RBFOX1: variants seen among roughly 807,000 people sequenced by gnomAD.
RBFOX1 encodes RNA binding protein fox-1 homolog 1.
RBFOX1 carries 8 observed loss-of-function variants against 57.7 expected under a neutral mutation model. The observed-to-expected ratio is 0.14, with a 90% CI of 0.08 to 0.25. The LOEUF is 0.25. Ranked by LOEUF, RBFOX1 falls within the 10% of genes least tolerant of loss-of-function variation. The pLI, the probability that RBFOX1 is intolerant of heterozygous loss-of-function variation, is 1.00. For missense variants in RBFOX1, 611 were observed against 548.5 expected, an observed-to-expected ratio of 1.11 and a Z score of -1.14; for synonymous variants, 326 against 222.4, an observed-to-expected ratio of 1.47 and a Z score of -4.15.
At chr16:7,278,077 G>T (rs541641418) in intron 4 of RBFOX1, among the ~76,000 whole-genome samples, 1 of 152,272 alleles carries the variant, frequency 6.6e-6, no homozygotes. Context: ...TTCCGTAGGC[G>T]GCTAAATTGG....
intron 4 of RBFOX1, among the ~76,000 whole-genome samples, chr16:7,235,558 A>G (rs144899603): frequency 3.1e-4 from 47 of 152,298 alleles, no homozygotes; most frequent in African/African-American, 1.1e-3. Flanking sequence ...GAATGGATGT[A>G]TGTTGTGATG....
chr16:7,206,682 G>T (rs2090045484), intron 4 of RBFOX1, among the ~76,000 whole-genome samples: 1 of 152,032 alleles, frequency 6.6e-6, no homozygotes, highest in Non-Finnish European at 1.5e-5. Flanking sequence ...CTGAAGTCCT[G>T]ACAAGCACAG....
chr16:7,375,655 C>A (rs1488681778), intron 4 of RBFOX1, among the ~76,000 whole-genome samples: 1 of 152,054 alleles, frequency 6.6e-6, no homozygotes, highest in Non-Finnish European at 1.5e-5. Flanking sequence ...GAAAGTCATT[C>A]TGTGTGACAA....
At chr16:6,554,389 C>A (rs1489322347) in intron 2 of RBFOX1, among the ~76,000 whole-genome samples, 2 of 151,938 alleles carry the variant, frequency 1.3e-5, no homozygotes, top group Non-Finnish European at 1.5e-5. Context: ...AGGGATGGAG[C>A]GTGGACTGCA....
At chr16:5,469,263 G>A (rs2069053477) in intron 2 of RBFOX1, among the ~76,000 whole-genome samples, 1 of 152,126 alleles carries the variant, frequency 6.6e-6, no homozygotes, top group African/African-American at 2.4e-5. Context: ...CAGCACCTGT[G>A]CTCATTCCCC....
At chr16:6,376,291 G>T (rs1390253765) in intron 2 of RBFOX1, among the ~76,000 whole-genome samples, 1 of 123,772 alleles carries the variant, frequency 8.1e-6, no homozygotes, top group Admixed American at 8.2e-5. Context: ...GGTTTTGTTT[G>T]TTTGTTGGTT....
chr16:6,485,121 G>C (rs2095447358), intron 2 of RBFOX1, among the ~76,000 whole-genome samples: 1 of 152,162 alleles, frequency 6.6e-6, no homozygotes, highest in Non-Finnish European at 1.5e-5. Context: ...TGTTTGTTAA[G>C]TAAGTGAATG....
At chr16:5,859,177 C>G (rs1301150644) in intron 3 of RBFOX1, among the ~76,000 whole-genome samples, 1 of 152,162 alleles carries the variant, frequency 6.6e-6, no homozygotes, top group Non-Finnish European at 1.5e-5. Context: ...GGCACTCCAG[C>G]CTGGGCGACA....
At chr16:5,880,970 T>C (rs983071356) in intron 4 of RBFOX1, among the ~76,000 whole-genome samples, 17 of 152,252 alleles carry the variant, frequency 1.1e-4, no homozygotes, top group Non-Finnish European at 2.4e-4. Context: ...ACAATTATAA[T>C]GTAATGTGAC....
intron 1 of RBFOX1, among the ~76,000 whole-genome samples, chr16:6,086,292 T>A (rs752820301): frequency 6.6e-6 from 1 of 152,190 alleles, no homozygotes; most frequent in Non-Finnish European, 1.5e-5. Context: ...GCATGCTAAG[T>A]GCTTTCCCCG....
intron 5 of RBFOX1, among the ~76,000 whole-genome samples, chr16:7,569,434 T>G (rs976397866): frequency 6.6e-6 from 1 of 152,102 alleles, no homozygotes; most frequent in African/African-American, 2.4e-5. Context: ...TGGGTTGAGT[T>G]TTTCTCACGG....
chr16:6,897,183 A>T (rs558167273), intron 3 of RBFOX1, among the ~76,000 whole-genome samples: 13 of 152,348 alleles, frequency 8.5e-5, no homozygotes, highest in African/African-American at 2.9e-4. Flanking sequence ...AGAGATTTAA[A>T]CACAGGTTGT....
chr16:6,081,480 TTCC>T (rs1358159518), intron 1 of RBFOX1, among the ~76,000 whole-genome samples: 2 of 152,162 alleles, frequency 1.3e-5, no homozygotes, highest in Non-Finnish European at 2.9e-5. Context: ...GTTGGTTTTC[TTCC>T]TCCTCTTCCC....
intron 3 of RBFOX1, among the ~76,000 whole-genome samples, chr16:5,618,712 C>T (rs1438469043): frequency 1.3e-5 from 2 of 152,238 alleles, no homozygotes; most frequent in Non-Finnish European, 2.9e-5. Context: ...GAACACCATC[C>T]ATCCCTTTGA....
chr16:5,677,406 G>A (rs1189827959), intron 3 of RBFOX1, among the ~76,000 whole-genome samples: 1 of 152,200 alleles, frequency 6.6e-6, no homozygotes, highest in Non-Finnish European at 1.5e-5. Flanking sequence ...GAAAATGAAT[G>A]CACTTTCTAT....
At chr16:6,185,906 C>T (rs752724061) in intron 1 of RBFOX1, among the ~76,000 whole-genome samples, 5 of 152,180 alleles carry the variant, frequency 3.3e-5, no homozygotes, top group African/African-American at 9.7e-5. Context: ...AGCATAGCAA[C>T]AGGGTGTGTT....
At chr16:7,302,445 A>T (rs2096057171) in intron 4 of RBFOX1, among the ~76,000 whole-genome samples, 1 of 152,038 alleles carries the variant, frequency 6.6e-6, no homozygotes, top group Admixed American at 6.5e-5. Context: ...AGGAGGGGAT[A>T]TTTGGGATGT....
chr16:7,482,542 A>ATTTTTT (rs1178577326), intron 4 of RBFOX1, among the ~76,000 whole-genome samples: 1 of 77,146 alleles, frequency 1.3e-5, no homozygotes, highest in Non-Finnish European at 2.3e-5. Flanking sequence ...ATTGCCTGGG[A>ATTTTTT]TTTTTTTTTT....
At chr16:7,258,160 T>C (rs2094772349) in intron 4 of RBFOX1, among the ~76,000 whole-genome samples, 1 of 152,198 alleles carries the variant, frequency 6.6e-6, no homozygotes, top group Non-Finnish European at 1.5e-5. Flanking sequence ...GACTATTTTA[T>C]TCTGGAGAGC....
Sources: allele counts gnomAD v4.1 joint callset (sites outside exome capture counted in the v4.1 genomes callset), GRCh38; gene constraint gnomAD v4.1.1; transcripts MANE v1.5; gene names NCBI Gene and HGNC (gene_info 2026-07-23, HGNC 2026-07-21).